The following SRPK2 variants were observed in gnomAD, a reference collection of about 807,000 sequenced individuals.
SRPK2 encodes SRSF protein kinase 2.
In SRPK2, 21 loss-of-function variants were observed where a neutral mutation model predicts 90.8. The ratio of observed to expected loss-of-function variants is 0.23; its 90% confidence interval spans 0.16 to 0.33. The LOEUF (loss-of-function observed/expected upper bound fraction) is 0.33. Ranked by LOEUF, SRPK2 falls within the 10% of genes least tolerant of loss-of-function variation. SRPK2 has a pLI of 1.00. For synonymous variants in SRPK2, 288 were observed against 311.1 expected (o/e 0.93, Z 0.78); for missense variants, 620 against 869.0 (o/e 0.71, Z 3.60).
chr7:105,297,877 A>T (rs1810032712), intron 2 of SRPK2, among the ~76,000 whole-genome samples: 1 of 151,416 alleles, frequency 6.6e-6, no homozygotes, highest in Non-Finnish European at 1.5e-5. Context: ...AAGTAGCTGG[A>T]ATTACAGGCA....
intron 7 of SRPK2, among the ~76,000 whole-genome samples, chr7:105,157,176 T>C (rs149316939): frequency 1.5e-3 from 229 of 151,948 alleles, no homozygotes; most frequent in African/African-American, 5.3e-3. Flanking sequence ...GCAACAGAAA[T>C]ACAAAGAACA....
chr7:105,320,011 T>TTAACATTCCAAATAA (rs1001896269), intron 2 of SRPK2, among the ~76,000 whole-genome samples: 11 of 152,312 alleles, frequency 7.2e-5, no homozygotes, highest in South Asian at 4.1e-4. Context: ...AGTTTTTCTG[T>TTAACATTCCAAATAA]TAACATTCCA....
At chr7:105,190,149 G>C (rs373188937) in intron 3 of SRPK2, among the ~76,000 whole-genome samples, 1 of 152,170 alleles carries the variant, frequency 6.6e-6, no homozygotes, top group African/African-American at 2.4e-5. Flanking sequence ...TGGATCCTGC[G>C]CTCCCTCTGG....
intron 2 of SRPK2, among the ~76,000 whole-genome samples, chr7:105,277,083 T>A (rs999072283): frequency 7.0e-6 from 1 of 143,788 alleles, no homozygotes; most frequent in African/African-American, 2.6e-5. Context: ...TTATTATTAT[T>A]ATTTTTTTTT....
At chr7:105,288,107 C>G (rs1423692018) in intron 2 of SRPK2, among the ~76,000 whole-genome samples, 1 of 152,156 alleles carries the variant, frequency 6.6e-6, no homozygotes, top group East Asian at 1.9e-4. Context: ...AAAATAACAA[C>G]TAAATTCTTC....
chr7:105,196,055 A>T (rs1158923872), intron 3 of SRPK2, among the ~76,000 whole-genome samples: 2 of 152,254 alleles, frequency 1.3e-5, no homozygotes, highest in African/African-American at 2.4e-5. Flanking sequence ...CTCACCTGTC[A>T]TGCTATTTAA....
chr7:105,386,918 A>C (rs1821683549), intron 2 of SRPK2, among the ~76,000 whole-genome samples: 1 of 152,192 alleles, frequency 6.6e-6, no homozygotes, highest in South Asian at 2.1e-4. Flanking sequence ...CTGGCAGATT[A>C]ATCTGTGAGA....
chr7:105,389,321 TCC>T, upstream of SRPK2: 1 of 1,280,742 alleles, frequency 7.8e-7, no homozygotes, highest in Non-Finnish European at 1.0e-6. Flanking sequence ...CCACCTCTCT[TCC>T]CGCGGCCTCT....
intron 2 of SRPK2, among the ~76,000 whole-genome samples, chr7:105,237,509 T>C (rs1800281302): frequency 2.0e-5 from 3 of 152,250 alleles, no homozygotes; most frequent in African/African-American, 7.2e-5. Context: ...CAGTCTAAAC[T>C]GATCATTATT....
intron 2 of SRPK2, among the ~76,000 whole-genome samples, chr7:105,274,558 T>C (rs1419790048): frequency 1.3e-5 from 2 of 149,572 alleles, no homozygotes; most frequent in Non-Finnish European, 3.0e-5. Context: ...CAAGACTCCG[T>C]CTCAAAAAAA....
intron 7 of SRPK2, among the ~76,000 whole-genome samples, chr7:105,157,873 G>C (rs897025554): frequency 1.3e-5 from 2 of 152,098 alleles, no homozygotes; most frequent in Admixed American, 6.6e-5. Flanking sequence ...AAAGAGACCA[G>C]CCTGAGCAAC....
chr7:105,195,924 A>G (rs1794859582), intron 3 of SRPK2, among the ~76,000 whole-genome samples: 1 of 152,206 alleles, frequency 6.6e-6, no homozygotes, highest in African/African-American at 2.4e-5. Flanking sequence ...CTGGCATTCT[A>G]GTGGCAAAGT....
At chr7:105,197,025 T>G (rs1179859138) in intron 3 of SRPK2, among the ~76,000 whole-genome samples, 1 of 151,798 alleles carries the variant, frequency 6.6e-6, no homozygotes, top group East Asian at 1.9e-4. Context: ...CCAGCCTGGG[T>G]GACAAGAGTG....
chr7:105,220,346 G>T (rs1797945919), intron 2 of SRPK2, among the ~76,000 whole-genome samples: 1 of 151,930 alleles, frequency 6.6e-6, no homozygotes, highest in African/African-American at 2.4e-5. Flanking sequence ...GGCCAACATG[G>T]TAAAATCCCA....
At chr7:105,131,622 T>G (rs1015408723) in intron 13 of SRPK2, among the ~76,000 whole-genome samples, 2 of 152,210 alleles carry the variant, frequency 1.3e-5, no homozygotes, top group Non-Finnish European at 2.9e-5. Context: ...CACCCTCTTT[T>G]TCTCCTATCA....
intron 2 of SRPK2, among the ~76,000 whole-genome samples, chr7:105,308,687 A>T (rs1035725339): frequency 2.6e-4 from 40 of 152,168 alleles, no homozygotes; most frequent in Non-Finnish European, 2.9e-5. Flanking sequence ...TTATTCAACT[A>T]AAGATTCTTT....
chr7:105,395,305 C>T (rs183844691), intron 1 of SRPK2, among the ~76,000 whole-genome samples: 1 of 151,760 alleles, frequency 6.6e-6, no homozygotes, highest in African/African-American at 2.4e-5. Flanking sequence ...GCCTGGGGAA[C>T]ATAGTGAGAC....
At position 105,312,746 on chromosome 7, in the gene SRPK2, G is replaced by A. The variant is rs533288360; in HGVS notation, c.71+75902C>T. 3.3e-5 allele frequency among the ~76,000 whole-genome samples: 5 copies of A among 152,280 alleles called. No individual in the cohort carries two copies. In the South Asian group the frequency reaches 1.0e-3, roughly 32 times the overall value. On this transcript the variant is annotated intron_variant, in intron 2 of 15. Coordinates refer to ENST00000393651, the MANE Select transcript of SRPK2 (RefSeq NM_182692.3). ...TAAGCAAAAGGAAAGAATCAAGCATGCATCCTGACTTTCCCTCACAAACTC... is the reference window on the plus strand; with the variant it reads ...TAAGCAAAAGGAAAGAATCAAGCATACATCCTGACTTTCCCTCACAAACTC...
At chr7:105,146,901 C>T (rs1804704938) in intron 7 of SRPK2, among the ~76,000 whole-genome samples, 1 of 152,152 alleles carries the variant, frequency 6.6e-6, no homozygotes, top group Non-Finnish European at 1.5e-5. Flanking sequence ...CATCTACATA[C>T]AGTTGAACCT....
Sources: allele counts gnomAD v4.1 joint callset (sites outside exome capture counted in the v4.1 genomes callset), GRCh38; gene constraint gnomAD v4.1.1; transcripts MANE v1.5; gene names NCBI Gene and HGNC (gene_info 2026-07-23, HGNC 2026-07-21).